YLPM1: variants seen among roughly 807,000 people sequenced by gnomAD.
YLPM1 encodes YLP motif containing 1.
A neutral mutation model predicts 230.0 loss-of-function variants in YLPM1; 99 were observed. That is an observed-to-expected ratio of 0.43 (90% CI 0.37 to 0.51). The LOEUF (loss-of-function observed/expected upper bound fraction) is 0.51, where lower values mean the gene tolerates loss of function less well. Among genes scored for constraint, YLPM1 ranks in the 20% least tolerant of loss-of-function variants. YLPM1 has a pLI of 0.00. For synonymous variants in YLPM1, 984 were observed against 942.5 expected (o/e 1.04, Z -0.81); for missense variants, 2,592 against 2,707.7 (o/e 0.96, Z 0.95).
At chr14:74,804,651 T>C (rs11159103) in intron 6 of YLPM1, among the ~76,000 whole-genome samples, 22,300 of 152,258 alleles carry the variant, frequency 0.15, 1,787 homozygotes, top group South Asian at 0.29. Flanking sequence ...CAATTACCCT[T>C]GTACATACCC....
chr14:74,798,395 A>G lies in YLPM1; in HGVS notation c.3098A>G (p.Asp1033Gly). 1 of 1,614,008 alleles carries G rather than the reference A, an allele frequency of 6.2e-7. No individual in the cohort carries two copies. The highest frequency in any genetic ancestry group is 8.5e-7 in the Non-Finnish European group (1 of 1,179,900). Residue 1033 changes from aspartate to glycine, a missense_variant, in exon 5 of 21, where the codon GAT becomes GGT. Asp to Gly is a moderately conservative substitution (Grantham distance 94, BLOSUM62 -1). Transcript: ENST00000325680. ...PGQSRMEDTR[D>G]KGLVNRGRGQ... ...CAAAGCAGAATGGAAGACACACGGG[A>G]TAAAGGTCTAGTAAACAGAGGTCGC...
rs2090888591 is a variant in YLPM1 at position 74,764,304 on chromosome 14, A to T, written c.815A>T (p.Lys272Met). 1 of 1,613,762 alleles carries T rather than the reference A, an allele frequency of 6.2e-7. No homozygotes were observed. The highest frequency in any genetic ancestry group is 2.2e-5 in the East Asian group (1 of 44,874). Residue 272 changes from lysine (K) to methionine (M), a missense_variant, in exon 1 of 21, where the codon AAG becomes ATG. Physicochemically the swap from Lys to Met is moderately conservative, Grantham distance 95. This residue lies in a region of YLPM1 where 1,862 missense variants were observed against 1,819.8 expected (regional missense o/e 1.02). Coordinates refer to ENST00000325680, the MANE Select transcript of YLPM1 (RefSeq NM_019589.3). ...QEPLESGAKN[K>M]STEQQQAAPE... is the part of the protein sequence containing the mutation. ...CCTTTGGAGAGTGGGGCCAAAAACA[A>T]GAGTACTGAACAGCAGCAAGCCGCC...
Position 74,763,617 on chromosome 14 carries a change from C to G in YLPM1, c.128C>G (p.Ala43Gly). The G allele has an allele frequency of 6.3e-7, 1 of 1,591,994 alleles. No individual in the cohort carries two copies. Among genetic ancestry groups the G allele is most frequent in the Non-Finnish European group, 8.6e-7 (1 of 1,168,560 alleles). The change falls in exon 1 of 21, where the codon GCG becomes GGG. Residue 43 changes from alanine (A) to glycine (G), a missense_variant. By Grantham distance (60) the Ala-to-Gly change is moderately conservative. Transcript: ENST00000325680. ...GGGTACTCGAGCTCGACGACTCCCG[C>G]GGCCCCCTCCTCCTCGGGCTTCATG... ...GPGYSSSTTP[A>G]APSSSGFMSF... is the part of the protein sequence containing the mutation.
At position 74,823,232 on chromosome 14, in the gene YLPM1, G is replaced by A. The variant is rs1466173369; in HGVS notation, c.6112-1024G>A. On this transcript the variant is annotated intron_variant, in intron 17 of 20. Transcript: ENST00000325680. The stretch of plus-strand genomic sequence containing the variant: ...ACTTACTTTACCTGTGTGTCAGTTT[G>A]TTTCATGAACTTGAACATTCCCAAC... Among the ~76,000 whole-genome samples the A allele has an allele frequency of 3.9e-5, 6 of 152,132 alleles. No homozygotes were observed. The East Asian group carries it at 1.2e-3, about 29-fold the overall frequency.
At chr14:74,828,485 C>T (rs1426949246) in intron 18 of YLPM1, among the ~76,000 whole-genome samples, 2 of 152,072 alleles carry the variant, frequency 1.3e-5, no homozygotes, top group Non-Finnish European at 2.9e-5. Context: ...TTTCTGAATC[C>T]GCAATCCCTA....
chr14:74,775,813 G>A (rs528410007), intron 1 of YLPM1, among the ~76,000 whole-genome samples: 2 of 152,028 alleles, frequency 1.3e-5, no homozygotes, highest in South Asian at 2.1e-4. Context: ...ATTTTTATAC[G>A]GACTGTTTTT....
chr14:74,763,834 C>T lies in YLPM1; in HGVS notation c.345C>T (p.Leu115=). 6.6e-7 allele frequency: 1 copy of T among 1,516,910 alleles called. No individual in the cohort carries two copies. Among genetic ancestry groups the T allele is most frequent in the Non-Finnish European group, 8.8e-7 (1 of 1,131,436 alleles). 94.0% of individuals were successfully genotyped at this position (1,516,910 alleles called of 1,614,324 possible). A position where few individuals can be genotyped will look rare whatever the true frequency, so the allele number is the denominator to read the frequency against. The change falls in exon 1 of 21, where the codon CTC becomes CTT. Residue 115 remains leucine, a synonymous_variant. Transcript: ENST00000325680. ...PPMPPPPGPA[L]SYQKQQQYKH... is the part of the protein sequence containing the mutation. ...TGCCCCCGCCACCCGGGCCGGCCCTCAGCTATCAGAAGCAGCAGCAGTACA... is the reference window on the plus strand; with the variant it reads ...TGCCCCCGCCACCCGGGCCGGCCCTTAGCTATCAGAAGCAGCAGCAGTACA...
At chr14:74,833,506 G>T (rs1179998675) in intron 19 of YLPM1, among the ~76,000 whole-genome samples, 1 of 152,150 alleles carries the variant, frequency 6.6e-6, no homozygotes, top group East Asian at 1.9e-4. Context: ...GCCGGCCTCG[G>T]CCTCCCAAAG....
intron 18 of YLPM1, chr14:74,827,809 C>A: frequency 1.0e-6 from 1 of 985,332 alleles, no homozygotes; most frequent in Non-Finnish European, 1.2e-6. Flanking sequence ...TAACCTGTGT[C>A]CCTGTGCAGT....
intron 5 of YLPM1, among the ~76,000 whole-genome samples, chr14:74,801,357 C>T (rs1409551938): frequency 6.6e-6 from 1 of 151,520 alleles, no homozygotes; most frequent in Non-Finnish European, 1.5e-5. Context: ...CTTTGTGGTC[C>T]CTCATTTGTG....
At chr14:74,810,140 T>C in intron 8 of YLPM1, 85 bp from the exon 9 acceptor site, 1 of 1,510,446 alleles carries the variant, frequency 6.6e-7, no homozygotes, top group Non-Finnish European at 8.9e-7. Flanking sequence ...CAAAAATTTA[T>C]ACCAGCTCTG....
intron 1 of YLPM1, among the ~76,000 whole-genome samples, chr14:74,770,285 G>GCCAC (rs1397071602): frequency 6.6e-6 from 1 of 151,114 alleles, no homozygotes; most frequent in Non-Finnish European, 1.5e-5. Context: ...GAGTTCTCGT[G>GCCAC]CCACTGCACT....
At chr14:74,810,506 ATTC>A in intron 9 of YLPM1, 86 bp downstream of exon 9, 2 of 1,366,132 alleles carry the variant, frequency 1.5e-6, no homozygotes, top group Admixed American at 2.0e-5. Context: ...TAAGTAACAT[ATTC>A]TTCTCATGCA....
chr14:74,816,854 C>T (rs1208102335), intron 13 of YLPM1, 77 bp from the exon 14 acceptor site: 1 of 1,465,940 alleles, frequency 6.8e-7, no homozygotes, highest in African/African-American at 1.4e-5. Context: ...TCATCTCTAT[C>T]CAAATACTAA....
intron 11 of YLPM1, among the ~76,000 whole-genome samples, chr14:74,814,481 T>G (rs1192384349): frequency 1.3e-5 from 2 of 152,238 alleles, no homozygotes; most frequent in African/African-American, 4.8e-5. Flanking sequence ...GATGTTGGAT[T>G]TGTTGAATGC....
rs753988940 is a variant in YLPM1, at chr14:74,778,630, TTGCCACCTCCAAATGAGGAAG to T, written c.1068_1088del (p.Asn357_Pro363del). On this transcript the variant is annotated inframe_deletion, in exon 2 of 21. Transcript: ENST00000325680. Reference sequence around the variant, plus strand: ...ATCTCCTTCTTCTGAGGAGCCCCCATTGCCACCTCCAAATGAGGAAGTGCCACCTCCTCTCCCACCTGAGGA... The same window carrying T: ...ATCTCCTTCTTCTGAGGAGCCCCCATTGCCACCTCCTCTCCCACCTGAGGA... 1 of 1,592,382 alleles carries T rather than the reference TTGCCACCTCCAAATGAGGAAG, an allele frequency of 6.3e-7. No individual in the cohort carries two copies. The highest frequency in any genetic ancestry group is 8.5e-7 in the Non-Finnish European group (1 of 1,169,868).
intron 6 of YLPM1, among the ~76,000 whole-genome samples, chr14:74,803,986 C>T (rs36047602): frequency 0.12 from 18,603 of 151,972 alleles, 1,755 homozygotes; most frequent in African/African-American, 0.27. Flanking sequence ...GGAGAAACCC[C>T]GTCTCTACTA....
rs1480044999 is a variant in YLPM1, at chr14:74,797,876, C to T, written c.2579C>T (p.Ser860Leu). The stretch of plus-strand genomic sequence containing the variant: ...CCTAAGTCACAAGCAGAACCTCTTT[C>T]AGGAAACAAAGAACCATTAGCAGAC... ...QQPKSQAEPL[S>L]GNKEPLADTS... The change falls in exon 5 of 21, where the codon TCA becomes TTA. Residue 860 changes from serine to leucine, a missense_variant. Physicochemically the swap from Ser to Leu is moderately radical, Grantham distance 145 (BLOSUM62 -2). Transcript: ENST00000325680. 4 of 1,613,972 alleles carry T rather than the reference C, an allele frequency of 2.5e-6. No homozygotes were observed. The highest frequency in any genetic ancestry group is 1.6e-4 in the Middle Eastern group (1 of 6,062).
chr14:74,789,344 G>A (rs900361256), intron 4 of YLPM1, among the ~76,000 whole-genome samples: 3 of 152,148 alleles, frequency 2.0e-5, no homozygotes, highest in Non-Finnish European at 4.4e-5. Context: ...AGCTTCCCAA[G>A]TAGCTGGGAT....
Sources: allele counts gnomAD v4.1 joint callset (sites outside exome capture counted in the v4.1 genomes callset), GRCh38; gene constraint gnomAD v4.1.1; regional missense constraint gnomAD v4.1.1; transcripts MANE v1.5; gene names NCBI Gene and HGNC (gene_info 2026-07-23, HGNC 2026-07-21).